The following AKAP13 variants were observed in gnomAD, a reference collection of about 807,000 sequenced individuals.
AKAP13 encodes A-kinase anchoring protein 13, also known as A-kinase anchor protein 13.
Under a neutral mutation model 264.5 loss-of-function variants are expected in AKAP13, and 80 were observed. That is an observed-to-expected ratio of 0.30 (90% CI 0.25 to 0.36). AKAP13 has a LOEUF of 0.36. AKAP13 is among the 10% of genes least tolerant of loss of function. The probability of loss-of-function intolerance (pLI) is 1.00; values close to 1 mark genes in which losing one functional copy is unlikely to be tolerated. For synonymous variants in AKAP13, 1,380 were observed against 1,250.2 expected (o/e 1.10, Z -2.19); for missense variants, 3,712 against 3,435.2 (o/e 1.08, Z -2.01).
At chr15:85,481,352 T>C (rs980566394) in intron 1 of AKAP13, among the ~76,000 whole-genome samples, 9 of 152,180 alleles carry the variant, frequency 5.9e-5, no homozygotes. Flanking sequence ...TATTAAAATG[T>C]AGGAAGAGAA....
chr15:85,734,815 T>C (rs2088320880), intron 30 of AKAP13, among the ~76,000 whole-genome samples, 177 bp from the exon 31 acceptor site: 1 of 152,214 alleles, frequency 6.6e-6, no homozygotes, highest in Non-Finnish European at 1.5e-5. Context: ...AAATTTCTAG[T>C]AGAATCCAAC....
intron 1 of AKAP13, among the ~76,000 whole-genome samples, chr15:85,392,022 A>G (rs183085923): frequency 2.6e-5 from 4 of 152,040 alleles, no homozygotes; most frequent in Non-Finnish European, 5.9e-5. Context: ...TGACCTCGTG[A>G]TCCACCCACC....
chr15:85,466,319 T>C (rs1334443344), intron 1 of AKAP13, among the ~76,000 whole-genome samples: 1 of 152,172 alleles, frequency 6.6e-6, no homozygotes, highest in Non-Finnish European at 1.5e-5. Flanking sequence ...TTCACTCTGA[T>C]GGTAGTTTCT....
intron 12 of AKAP13, among the ~76,000 whole-genome samples, chr15:85,661,306 G>C (rs2083334151): frequency 6.6e-6 from 1 of 152,270 alleles, no homozygotes. Flanking sequence ...CCGCTACTGG[G>C]ATATTCAAGG....
intron 1 of AKAP13, among the ~76,000 whole-genome samples, chr15:85,400,748 G>A (rs1233570364): frequency 6.6e-6 from 1 of 151,750 alleles, no homozygotes; most frequent in Non-Finnish European, 1.5e-5. Context: ...ACACCAGCTT[G>A]TCTCTGTTTT....
In AKAP13 at chr15:85,580,710, C is replaced by T; in HGVS notation, c.2642C>T (p.Pro881Leu). Reference protein sequence around the residue: ...EHEGPAPPAIPEALNIKGNTD... With the variant: ...EHEGPAPPAILEALNIKGNTD... ...GAGGGTCCCGCCCCTCCAGCAATCC[C>T]AGAAGCTCTGAATATCAAGGGGAAC... The change falls in exon 7 of 37, where the codon CCA becomes CTA. Residue 881 changes from proline to leucine, a missense_variant. Coordinates refer to ENST00000394518, the MANE Select transcript of AKAP13 (RefSeq NM_007200.5). 6 of 1,614,172 alleles carry T rather than the reference C, an allele frequency of 3.7e-6. No individual in the cohort carries two copies. Among genetic ancestry groups the T allele is most frequent in the African/African-American group, 1.3e-5 (1 of 75,042 alleles).
chr15:85,563,218 G>C (rs989159222), intron 5 of AKAP13, among the ~76,000 whole-genome samples: 3 of 151,884 alleles, frequency 2.0e-5, no homozygotes, highest in Non-Finnish European at 2.9e-5. Context: ...TTTCCTCGTA[G>C]GAAAAGGTAG....
intron 1 of AKAP13, among the ~76,000 whole-genome samples, chr15:85,424,933 C>G (rs1440785948): frequency 6.6e-6 from 1 of 152,158 alleles, no homozygotes; most frequent in African/African-American, 2.4e-5. Context: ...GCAGTTAGAA[C>G]ATACACAACA....
intron 2 of AKAP13, among the ~76,000 whole-genome samples, chr15:85,491,951 A>T (rs948423055): frequency 6.6e-6 from 1 of 152,338 alleles, no homozygotes; most frequent in Non-Finnish European, 1.5e-5. Context: ...CTTTCGTCAT[A>T]CATAAGGAAA....
rs779929860 is a variant in AKAP13 at position 85,664,617 on chromosome 15, A to G, written c.4854A>G (p.Ser1618=). 8.7e-6 allele frequency: 14 copies of G among 1,614,012 alleles called. No homozygotes were observed. In the South Asian group the frequency reaches 1.4e-4, roughly 16 times the overall value. Residue 1618 remains serine (S), a synonymous_variant, in exon 13 of 37, where the codon TCA becomes TCG. Transcript: ENST00000394518. ...GGAGVGNKPS[S]SLEVSSANAE... The stretch of plus-strand genomic sequence containing the variant: ...CTGGTGTCGGAAACAAGCCATCCTC[A>G]TCTCTAGAAGTAAGCTCTGCAAATG...
At chr15:85,625,228 C>T (rs552187284) in intron 8 of AKAP13, among the ~76,000 whole-genome samples, 1 of 152,188 alleles carries the variant, frequency 6.6e-6, no homozygotes, top group Non-Finnish European at 1.5e-5. Context: ...AGTTGCCAGT[C>T]CTATACTTTG....
intron 1 of AKAP13, among the ~76,000 whole-genome samples, chr15:85,467,359 A>C (rs570182332): frequency 4.0e-5 from 6 of 151,354 alleles, no homozygotes; most frequent in African/African-American, 1.5e-4. Context: ...CCTCCTTCCC[A>C]CCTTTCCGCT....
At chr15:85,517,895 T>C (rs1458667425) in intron 2 of AKAP13, among the ~76,000 whole-genome samples, 1 of 152,186 alleles carries the variant, frequency 6.6e-6, no homozygotes, top group African/African-American at 2.4e-5. Context: ...ATGGAAAATA[T>C]CTGTGTAAGG....
chr15:85,680,837 A>G (rs2084553349), intron 14 of AKAP13, among the ~76,000 whole-genome samples: 1 of 152,132 alleles, frequency 6.6e-6, no homozygotes, highest in Non-Finnish European at 1.5e-5. Flanking sequence ...TTTGTTTTTG[A>G]GATGGAATCT....
chr15:85,744,476 A>T, intron 36 of AKAP13, 152 bp from the exon 37 acceptor site: 3 of 786,818 alleles, frequency 3.8e-6, no homozygotes, highest in Non-Finnish European at 6.6e-6. Context: ...TATTAACCAA[A>T]TTTGTTCAGA....
intron 5 of AKAP13, among the ~76,000 whole-genome samples, chr15:85,569,455 T>C (rs1266237539): frequency 2.0e-5 from 3 of 147,632 alleles, no homozygotes; most frequent in East Asian, 2.0e-4. Context: ...TCTTTTCTTT[T>C]TTTTTTTTTT....
intron 1 of AKAP13, among the ~76,000 whole-genome samples, chr15:85,433,946 AT>A (rs200498264): frequency 0.6 from 87,516 of 146,476 alleles, 26,332 homozygotes; most frequent in African/African-American, 0.7. Context: ...GTCTCAAAAA[AT>A]AAAAAAATAA....
chr15:85,579,185 A>C lies in AKAP13; in HGVS notation c.1117A>C (p.Asn373His). The C allele has an allele frequency of 6.2e-7, 1 of 1,614,234 alleles. No individual in the cohort carries two copies. The highest frequency in any genetic ancestry group is 1.1e-5 in the South Asian group (1 of 91,090). ...TACAGACCGTTCCTGTAGGAAGAAAAATAAAGGCGTGGAAAGAAAAGGGGA... is the reference window on the plus strand; with the variant it reads ...TACAGACCGTTCCTGTAGGAAGAAACATAAAGGCGTGGAAAGAAAAGGGGA... ...ENTDRSCRKK[N>H]KGVERKGEEV... The change falls in exon 7 of 37, where the codon AAT becomes CAT. Residue 373 changes from asparagine to histidine, a missense_variant. Transcript: ENST00000394518.
At chr15:85,725,430 T>A (rs554596943) in intron 26 of AKAP13, among the ~76,000 whole-genome samples, 3 of 149,936 alleles carry the variant, frequency 2.0e-5, no homozygotes, top group Admixed American at 6.7e-5. Context: ...AAGTAAACTT[T>A]AAAAAAAAAA....
Sources: allele counts gnomAD v4.1 joint callset (sites outside exome capture counted in the v4.1 genomes callset), GRCh38; gene constraint gnomAD v4.1.1; transcripts MANE v1.5; gene names NCBI Gene and HGNC (gene_info 2026-07-23, HGNC 2026-07-21).